GREB1: variants seen among roughly 807,000 people sequenced by gnomAD.
The protein encoded by GREB1 is growth regulating estrogen receptor binding 1.
A neutral mutation model predicts 200.7 loss-of-function variants in GREB1; 106 were observed. That is an observed-to-expected ratio of 0.53 (90% CI 0.45 to 0.62). The LOEUF (loss-of-function observed/expected upper bound fraction) is 0.62, where lower values mean the gene tolerates loss of function less well. GREB1 is among the 20% of genes least tolerant of loss of function. GREB1 has a pLI of 0.00. For synonymous variants in GREB1, 1,132 were observed against 1,092.4 expected (o/e 1.04, Z -0.72); for missense variants, 2,243 against 2,556.8 (o/e 0.88, Z 2.65).
chr2:11,607,719 T>C (rs1572902209), intron 17 of GREB1, among the ~76,000 whole-genome samples: 3 of 152,004 alleles, frequency 2.0e-5, no homozygotes, highest in South Asian at 4.2e-4. Context: ...CGTGCATTGA[T>C]GTACATACAC....
intron 1 of GREB1, among the ~76,000 whole-genome samples, chr2:11,490,894 G>A (rs984063280): frequency 6.6e-6 from 1 of 152,212 alleles, no homozygotes; most frequent in Non-Finnish European, 1.5e-5. Context: ...TTTAGGAGTA[G>A]AATTGCTAGG....
chr2:11,607,606 A>G (rs1682505558), intron 17 of GREB1, among the ~76,000 whole-genome samples: 1 of 40,674 alleles, frequency 2.5e-5, no homozygotes, highest in African/African-American at 6.4e-5. Context: ...ATATATACAT[A>G]TATACACATA....
rs1299673819 is a variant in GREB1 at position 11,595,425 on chromosome 2, A to G, written c.1825+46A>G. On this transcript the variant is annotated intron_variant, in intron 12 of 32. Coordinates refer to ENST00000381486, the MANE Select transcript of GREB1 (RefSeq NM_014668.4). ...GTGCACATGCGTATGTTAATAGGAC[A>G]GTAATCAGTGCCGGGGGAGGTCATC... is the stretch of plus-strand genomic sequence containing the variant. The G allele has an allele frequency of 1.9e-6, 3 of 1,588,572 alleles. No homozygotes were observed. In the East Asian group the frequency reaches 6.8e-5, roughly 36 times the overall value.
Position 11,600,786 on chromosome 2 carries a change from T to G in GREB1, c.2334-14T>G. 6.2e-7 allele frequency: 1 copy of G among 1,603,526 alleles called. No homozygotes were observed. On this transcript the variant is annotated splice_polypyrimidine_tract_variant and intron_variant, in intron 15 of 32. Transcript: ENST00000381486. ...ATATAGTAATTCCACTGATTGTGTC[T>G]TCTCCTCCCTCAGTAGCACTGTTCA... is the stretch of plus-strand genomic sequence containing the variant.
chr2:11,585,366 G>A (rs764803936), intron 8 of GREB1, 92 bp downstream of exon 8: 155 of 753,516 alleles, frequency 2.1e-4, no homozygotes, highest in Non-Finnish European at 2.9e-4. Context: ...GTGTGCGTGC[G>A]CACGAGTGTG....
intron 17 of GREB1, among the ~76,000 whole-genome samples, chr2:11,608,464 CGTT>C (rs893548436): frequency 3.9e-5 from 6 of 152,068 alleles, no homozygotes; most frequent in Non-Finnish European, 5.9e-5. Context: ...GAATACCAGA[CGTT>C]GTTAATTTTA....
At chr2:11,611,052 C>T (rs751520094) in intron 18 of GREB1, 25 bp downstream of exon 18, 110 of 1,518,934 alleles carry the variant, frequency 7.2e-5, no homozygotes, top group African/African-American at 3.8e-4. Context: ...CAGGGAGGGG[C>T]GGAGGGCCTG....
intron 8 of GREB1, among the ~76,000 whole-genome samples, 169 bp from the exon 9 acceptor site, chr2:11,585,593 A>T (rs1409109344): frequency 6.6e-6 from 1 of 152,212 alleles, no homozygotes; most frequent in African/African-American, 2.4e-5. Flanking sequence ...GGCGGAATGA[A>T]CTTAAAGGTG....
At chr2:11,607,512 GTACA>G (rs1239371774) in intron 17 of GREB1, among the ~76,000 whole-genome samples, 4 of 119,368 alleles carry the variant, frequency 3.4e-5, no homozygotes, top group African/African-American at 6.7e-5. Flanking sequence ...ATACATATAT[GTACA>G]TACATATATA....
intron 18 of GREB1, among the ~76,000 whole-genome samples, chr2:11,611,968 C>T (rs901898614): frequency 1.5e-4 from 23 of 152,028 alleles, no homozygotes; most frequent in Admixed American, 9.8e-4. Flanking sequence ...CCGAGGCGGG[C>T]GGATCACTTG....
intron 1 of GREB1, among the ~76,000 whole-genome samples, chr2:11,556,029 G>C (rs1676401702): frequency 6.6e-6 from 1 of 152,126 alleles, no homozygotes; most frequent in Admixed American, 6.5e-5. Context: ...ATATAATTCT[G>C]TATTACTTGA....
chr2:11,639,115 A>T (rs1190627789), intron 32 of GREB1, among the ~76,000 whole-genome samples: 2 of 152,022 alleles, frequency 1.3e-5, no homozygotes, highest in Admixed American at 6.6e-5. Flanking sequence ...TTTGAGATGG[A>T]GTCTCGCTCT....
At chr2:11,565,028 G>A (rs575431124) in intron 3 of GREB1, among the ~76,000 whole-genome samples, 18 of 152,170 alleles carry the variant, frequency 1.2e-4, no homozygotes, top group African/African-American at 4.1e-4. Flanking sequence ...ACCTCCCACC[G>A]TATCCCTCCC....
chr2:11,543,311 TA>T (rs1222088047), intron 1 of GREB1, among the ~76,000 whole-genome samples: 3 of 152,238 alleles, frequency 2.0e-5, no homozygotes, highest in African/African-American at 7.2e-5. Flanking sequence ...GCTTAAGACT[TA>T]AAATTAAGTC....
chr2:11,613,191 C>G (rs558941044), intron 19 of GREB1, among the ~76,000 whole-genome samples: 1 of 152,290 alleles, frequency 6.6e-6, no homozygotes, highest in Non-Finnish European at 1.5e-5. Flanking sequence ...TCGATGTCCG[C>G]TGGTGTGGGG....
chr2:11,484,668 C>G (rs187937771), intron 1 of GREB1, among the ~76,000 whole-genome samples: 79 of 151,978 alleles, frequency 5.2e-4, no homozygotes, highest in Non-Finnish European at 9.0e-4. Context: ...GCCTGTAGTC[C>G]TAGCACTTGG....
intron 15 of GREB1, 123 bp downstream of exon 15, chr2:11,598,983 C>A: frequency 1.2e-6 from 1 of 803,586 alleles, no homozygotes; most frequent in Non-Finnish European, 2.1e-6. Context: ...CTTGGTGTTT[C>A]TAAGCAGATG....
intron 1 of GREB1, among the ~76,000 whole-genome samples, chr2:11,498,151 G>A (rs1253565515): frequency 1.5e-4 from 22 of 151,590 alleles, no homozygotes; most frequent in Non-Finnish European, 8.8e-5. Flanking sequence ...TTTATGGATT[G>A]TACTTTTGAT....
rs933218641 is a variant in GREB1 at position 11,631,837 on chromosome 2, A to C, written c.4612-72A>C. 52 of 1,150,714 alleles carry C rather than the reference A, an allele frequency of 4.5e-5. No individual in the cohort carries two copies. In the East Asian group the frequency reaches 1.2e-3, roughly 27 times the overall value. The allele number at this position is 1,150,714 out of a possible 1,614,324, so 71.3% of individuals were successfully genotyped here. ...TCATTCTTTGACGGAAAATACTGCA[A>C]AGTCACATGTCAAGGGAATAATTGC... On this transcript the variant is annotated intron_variant, in intron 26 of 32. Transcript: ENST00000381486.
Sources: allele counts gnomAD v4.1 joint callset (sites outside exome capture counted in the v4.1 genomes callset), GRCh38; gene constraint gnomAD v4.1.1; transcripts MANE v1.5; gene names NCBI Gene and HGNC (gene_info 2026-07-23, HGNC 2026-07-21).